Variants in CCND3 observed in about 807,000 individuals in gnomAD.
The protein encoded by CCND3 is cyclin D3, also known as G1/S-specific cyclin-D3.
In CCND3, 9 loss-of-function variants were observed where a neutral mutation model predicts 28.7. The ratio of observed to expected loss-of-function variants is 0.31; its 90% CI spans 0.19 to 0.55. CCND3 has a LOEUF of 0.55. Among genes scored for constraint, CCND3 ranks in the 20% least tolerant of loss-of-function variants. The pLI, the probability that CCND3 is intolerant of heterozygous loss-of-function variation, is 0.93. For missense variants in CCND3, 315 were observed against 385.8 expected (o/e 0.82, Z 1.54); for synonymous variants, 164 against 163.9 (o/e 1.00, Z 0.00).
intron 1 of CCND3, among the ~76,000 whole-genome samples, chr6:42,045,670 T>A (rs896654214): frequency 6.6e-6 from 1 of 152,254 alleles, no homozygotes; most frequent in South Asian, 2.1e-4. Flanking sequence ...TCTAGCAGTG[T>A]CTGTTGCCAC....
intron 1 of CCND3, among the ~76,000 whole-genome samples, chr6:42,020,382 T>C (rs1230439304): frequency 7.2e-5 from 11 of 152,226 alleles, no homozygotes. Flanking sequence ...TGACCCAACA[T>C]GCAGAAGGTT....
Position 41,939,688 on chromosome 6 carries a change from C to T in CCND3, c.414+682G>A, listed in dbSNP as rs749602594. Among the ~76,000 whole-genome samples, 3 of 152,304 alleles carry T rather than the reference C, an allele frequency of 2.0e-5. No homozygotes were observed. The East Asian group carries it at 5.8e-4, about 29-fold the overall frequency. On this transcript the variant is annotated intron_variant, in intron 2 of 4. Transcript: ENST00000372991. The surrounding 1 kb of genome is among the most constrained non-coding windows in gnomAD (Gnocchi z 4.2). ...AGATGCAGCTCACCTCCCTGTCTGT[C>T]CCTCAGCTTGGGCCTTGGGCTAAGG...
At chr6:41,958,646 G>T (rs1776497217) in intron 1 of CCND3, among the ~76,000 whole-genome samples, 1 of 152,120 alleles carries the variant, frequency 6.6e-6, no homozygotes, top group Admixed American at 6.5e-5. Flanking sequence ...CAAGTATGTG[G>T]GTTTGGGGCT....
chr6:41,967,843 A>G (rs2127406840), intron 1 of CCND3, among the ~76,000 whole-genome samples: 2 of 152,326 alleles, frequency 1.3e-5, no homozygotes, highest in Middle Eastern at 3.4e-3. Flanking sequence ...TGGTGGTTCT[A>G]ACCCCCACTA....
At chr6:42,017,613 G>A (rs897396782) in intron 1 of CCND3, among the ~76,000 whole-genome samples, 1 of 152,158 alleles carries the variant, frequency 6.6e-6, no homozygotes, top group Non-Finnish European at 1.5e-5. Context: ...CAGGTTGTGG[G>A]GTCCCAATCA....
At chr6:42,014,942 A>G (rs929726550) in intron 1 of CCND3, among the ~76,000 whole-genome samples, 4 of 152,214 alleles carry the variant, frequency 2.6e-5, no homozygotes, top group African/African-American at 7.2e-5. Flanking sequence ...TCAGCCATAC[A>G]TATCTTCACT....
In CCND3 at chr6:42,017,142, C is replaced by T. The variant is rs79200612; in HGVS notation, c.-46+31359G>A. Among the ~76,000 whole-genome samples, 277 of 152,298 alleles carry T rather than the reference C, an allele frequency of 1.8e-3. 3 individuals carry two copies. In the East Asian group the frequency reaches 0.053, roughly 29 times the overall value. On this transcript the variant is annotated intron_variant, in intron 1 of 4. Transcript: ENST00000372988. ...CTTGCCCTGGCCCTCCCCCACACAG[C>T]ATCCTGCAGGTCTCCACCTCTGTCC...
At chr6:42,028,704 C>T (rs1211046606) in intron 1 of CCND3, among the ~76,000 whole-genome samples, 1 of 152,178 alleles carries the variant, frequency 6.6e-6, no homozygotes, top group Non-Finnish European at 1.5e-5. Context: ...AGCGGGATGA[C>T]CTCAGCAAGG....
intron 1 of CCND3, among the ~76,000 whole-genome samples, chr6:41,952,993 G>A (rs953987130): frequency 2.0e-5 from 3 of 152,104 alleles, no homozygotes; most frequent in Admixed American, 6.6e-5. Flanking sequence ...TGCAAAACAG[G>A]GGGTGCAGTG....
chr6:42,037,184 C>T (rs1230266509), intron 1 of CCND3, among the ~76,000 whole-genome samples: 2 of 152,094 alleles, frequency 1.3e-5, no homozygotes, highest in Admixed American at 6.6e-5. Flanking sequence ...TCGTGATCCA[C>T]CCGCCTTGGC....
chr6:41,936,085 T>C lies in CCND3; in HGVS notation c.734A>G (p.Glu245Gly). The C allele has an allele frequency of 1.2e-6, 2 of 1,602,112 alleles. No homozygotes were observed. The highest frequency in any genetic ancestry group is 1.7e-6 in the Non-Finnish European group (2 of 1,173,306). Reference sequence around the variant, plus strand: ...CTCCCTGAGTGCAGCTTCGATCTGCTCCTGACAGGCCCGCAGGCAGTCCTG... The same window carrying C: ...CTCCCTGAGTGCAGCTTCGATCTGCCCCTGACAGGCCCGCAGGCAGTCCTG... ...TEVDCLRACQ[E>G]QIEAALRESL... Residue 245 changes from glutamate (E) to glycine (G), a missense_variant, in exon 5 of 5, where the codon GAG (glutamate) becomes GGG (glycine). By Grantham distance (98) the Glu-to-Gly change is moderately conservative (BLOSUM62 -2). Coordinates refer to ENST00000372991, the MANE Select transcript of CCND3 (RefSeq NM_001760.5). This position sits in a 1 kb window ranked among gnomAD's most constrained non-coding sequence, Gnocchi z 4.4.
At chr6:42,003,162 C>CAAAAAAAAAAAA (rs55721061) in intron 1 of CCND3, among the ~76,000 whole-genome samples, 17 of 110,346 alleles carry the variant, frequency 1.5e-4, no homozygotes, top group Admixed American at 4.9e-4. Context: ...AACAGCGTGT[C>CAAAAAAAAAAAA]AAAAAAAAAA....
chr6:42,046,791 T>C (rs73428398), intron 1 of CCND3, among the ~76,000 whole-genome samples: 1,744 of 152,310 alleles, frequency 0.011, 30 homozygotes, highest in African/African-American at 0.04. Context: ...TCATCCAAGA[T>C]ACAGGACCAC....
At chr6:41,948,956 G>C (rs1776238332) in intron 1 of CCND3, among the ~76,000 whole-genome samples, 1 of 152,178 alleles carries the variant, frequency 6.6e-6, no homozygotes, top group Admixed American at 6.5e-5. Flanking sequence ...ACAGTAGATA[G>C]CACATGTCCC....
intron 1 of CCND3, among the ~76,000 whole-genome samples, chr6:42,031,580 G>T (rs1364400126): frequency 6.6e-6 from 1 of 152,014 alleles, no homozygotes; most frequent in Non-Finnish European, 1.5e-5. Flanking sequence ...ACATGTTTTT[G>T]ATTTTTCATG....
chr6:41,971,265 T>C (rs1378508976), intron 1 of CCND3, among the ~76,000 whole-genome samples: 1 of 152,078 alleles, frequency 6.6e-6, no homozygotes, highest in Non-Finnish European at 1.5e-5. Context: ...ACAGTGGCTC[T>C]AGATGATAAG....
rs565914747 is a variant in CCND3, at chr6:41,935,705, C to G, written c.*235G>C. On this transcript the variant is annotated 3_prime_UTR_variant, in exon 5 of 5. Transcript: ENST00000372991. ...CACCCCCAGCTAGAGTTGGGAAAGG[C>G]GCTGCTGGTCAGATGCAGGGAGGAG... 1.9e-6 allele frequency: 1 copy of G among 540,344 alleles called. No homozygotes were observed. Among genetic ancestry groups the G allele is most frequent in the Non-Finnish European group, 3.3e-6 (1 of 299,898 alleles). The allele number at this position is 540,344 out of a possible 1,614,324, so 33.5% of individuals were successfully genotyped here.
At chr6:41,961,074 G>A (rs1456000592) in intron 1 of CCND3, among the ~76,000 whole-genome samples, 5 of 152,194 alleles carry the variant, frequency 3.3e-5, no homozygotes, top group African/African-American at 1.2e-4. Flanking sequence ...AGCAACCCTC[G>A]TTTCTGAGCA....
chr6:41,989,476 A>G (rs1371283492), intron 1 of CCND3, among the ~76,000 whole-genome samples: 2 of 151,326 alleles, frequency 1.3e-5, no homozygotes. Flanking sequence ...ACAAAAAAAA[A>G]AAACAGAAAA....
Sources: allele counts gnomAD v4.1 joint callset (sites outside exome capture counted in the v4.1 genomes callset), GRCh38; gene constraint gnomAD v4.1.1; non-coding constraint Gnocchi (gnomAD v3.1); transcripts MANE v1.5; gene names NCBI Gene and HGNC (gene_info 2026-07-23, HGNC 2026-07-21).